The following PBX1 variants were observed in gnomAD, a reference collection of about 807,000 sequenced individuals.
The protein encoded by PBX1 is pre-B-cell leukemia transcription factor 1.
In PBX1, 6 loss-of-function variants were observed where a neutral mutation model predicts 53.4. The observed-to-expected ratio is 0.11, with a 90% CI of 0.06 to 0.22. PBX1 has a LOEUF of 0.22. PBX1 is among the 10% of genes least tolerant of loss of function. The probability of loss-of-function intolerance (pLI) is 1.00; values close to 1 mark genes in which losing one functional copy is unlikely to be tolerated. For synonymous variants in PBX1, 204 were observed against 212.3 expected (o/e 0.96, Z 0.34); for missense variants, 251 against 551.4 (o/e 0.46, Z 5.46).
Position 164,675,720 on chromosome 1 carries a change from A to G in PBX1, c.265+112409A>G, listed in dbSNP as rs12737113. Among the ~76,000 whole-genome samples the G allele has an allele frequency of 1.9e-3, 292 of 151,898 alleles. 1 individual carries two copies. Among genetic ancestry groups the G allele is most frequent in the Non-Finnish European group, 3.1e-3 (211 of 67,974 alleles). ...AATAAGCTCCAGGACTGAAACCCAG[A>G]CCCCGCCCCCAGACACTGAGGACTG... On this transcript the variant is annotated intron_variant, in intron 2 of 8. Coordinates refer to ENST00000420696, the MANE Select transcript of PBX1 (RefSeq NM_002585.4).
intron 8 of PBX1, among the ~76,000 whole-genome samples, chr1:164,824,554 CAGT>C (rs1670328292): frequency 6.6e-6 from 1 of 152,132 alleles, no homozygotes; most frequent in African/African-American, 2.4e-5. Flanking sequence ...GCAGTTTTCT[CAGT>C]AGGTAGTTCC....
intron 2 of PBX1, among the ~76,000 whole-genome samples, chr1:164,755,430 TG>T (rs1160506998): frequency 1.3e-5 from 2 of 152,230 alleles, no homozygotes; most frequent in Admixed American, 6.5e-5. Context: ...ATTACAGGCA[TG>T]AGCCACCGCG....
intron 2 of PBX1, among the ~76,000 whole-genome samples, chr1:164,860,938 G>A (rs1017525960): frequency 3.9e-5 from 6 of 152,050 alleles, no homozygotes; most frequent in Non-Finnish European, 8.8e-5. Context: ...GGAAAAGACA[G>A]GAAAATACAG....
intron 2 of PBX1, chr1:164,700,581 A>G (rs1663061148): frequency 1.0e-6 from 1 of 985,302 alleles, no homozygotes; most frequent in Admixed American, 6.1e-5. Context: ...GGGAGCAGAC[A>G]GTGATCATCT....
intron 2 of PBX1, among the ~76,000 whole-genome samples, chr1:164,778,819 C>G (rs924243089): frequency 6.6e-5 from 10 of 152,126 alleles, no homozygotes; most frequent in African/African-American, 2.4e-4. Flanking sequence ...ACTTGGGGTT[C>G]AACCCTATTC....
intron 2 of PBX1, among the ~76,000 whole-genome samples, chr1:164,706,344 A>G (rs1202769499): frequency 1.3e-5 from 2 of 152,216 alleles, no homozygotes; most frequent in Non-Finnish European, 2.9e-5. Context: ...CTTTCTGATA[A>G]GCTGTGCATG....
At chr1:164,609,321 T>G (rs1557888711) in intron 2 of PBX1, among the ~76,000 whole-genome samples, 1 of 152,130 alleles carries the variant, frequency 6.6e-6, no homozygotes, top group African/African-American at 2.4e-5. Context: ...ACACAGCTGT[T>G]CCCTGTAACC....
chr1:164,655,398 C>T (rs1660106139), intron 2 of PBX1, among the ~76,000 whole-genome samples: 1 of 152,130 alleles, frequency 6.6e-6, no homozygotes, highest in Non-Finnish European at 1.5e-5. Context: ...TAGGAGTGAG[C>T]CACTGTGCCC....
At chr1:164,719,223 ACT>A (rs1009588887) in intron 2 of PBX1, among the ~76,000 whole-genome samples, 7 of 152,104 alleles carry the variant, frequency 4.6e-5, no homozygotes, top group Non-Finnish European at 1.0e-4. Context: ...TTTTTCTATC[ACT>A]CTCCTTCAGG....
intron 2 of PBX1, among the ~76,000 whole-genome samples, chr1:164,750,121 G>A (rs1666117970): frequency 6.8e-6 from 1 of 146,804 alleles, no homozygotes; most frequent in Non-Finnish European, 1.5e-5. Flanking sequence ...AAAAAAAAAA[G>A]AGCTTTCAAA....
intron 2 of PBX1, among the ~76,000 whole-genome samples, chr1:164,676,674 C>T (rs1661449799): frequency 6.6e-6 from 1 of 152,122 alleles, no homozygotes; most frequent in Admixed American, 6.5e-5. Context: ...AGCCTGCAGC[C>T]CCCTAACTTG....
intron 2 of PBX1, among the ~76,000 whole-genome samples, chr1:164,637,144 G>A (rs1557907113): frequency 6.6e-6 from 1 of 152,100 alleles, no homozygotes; most frequent in Non-Finnish European, 1.5e-5. Context: ...TATCACTTTG[G>A]ATGATCTCAC....
rs1045339908 is a variant in PBX1 at position 164,574,958 on chromosome 1, GGC to G, written c.265+11648_265+11649del. 1.9e-4 allele frequency among the ~76,000 whole-genome samples: 29 copies of G among 152,046 alleles called. 1 individual carries two copies. The highest frequency in any genetic ancestry group is 5.8e-4 in the African/African-American group (24 of 41,460). On this transcript the variant is annotated intron_variant, in intron 2 of 8. Coordinates refer to ENST00000420696, the MANE Select transcript of PBX1 (RefSeq NM_002585.4). ...GATTGCGCCTTTACACTCCAGCCTG[GGC>G]AACAGAGTGAGACTAAAAAAAAAAA... is the stretch of plus-strand genomic sequence containing the variant.
intron 2 of PBX1, among the ~76,000 whole-genome samples, chr1:164,740,167 AG>A (rs754279529): frequency 1.3e-5 from 2 of 152,170 alleles, no homozygotes; most frequent in Non-Finnish European, 2.9e-5. Context: ...TGAAGATGAA[AG>A]GTTACGGCTA....
intron 3 of PBX1, among the ~76,000 whole-genome samples, chr1:164,796,371 T>G (rs1668787864): frequency 1.3e-5 from 2 of 150,114 alleles, no homozygotes; most frequent in Non-Finnish European, 3.0e-5. Flanking sequence ...AAACCTGAAT[T>G]TTATTCCAAG....
At chr1:164,580,389 G>A (rs1388779144) in intron 2 of PBX1, among the ~76,000 whole-genome samples, 2 of 151,976 alleles carry the variant, frequency 1.3e-5, no homozygotes, top group African/African-American at 2.4e-5. Flanking sequence ...AGCAATTCTT[G>A]TGCCTTAGCC....
Position 164,848,546 on chromosome 1 carries a change from G to A in PBX1, c.*1870G>A, listed in dbSNP as rs1671680451. On this transcript the variant is annotated 3_prime_UTR_variant, in exon 9 of 9. Coordinates refer to ENST00000420696, the MANE Select transcript of PBX1 (RefSeq NM_002585.4). ...AACTTCTGGTTAATATCAGTACCTT[G>A]ATGTCATCACCGTGATGACAAAGAG... 3 of 1,059,748 alleles carry A rather than the reference G, an allele frequency of 2.8e-6. No individual in the cohort carries two copies. In the South Asian group the frequency reaches 1.4e-4, roughly 48 times the overall value. 65.6% of individuals were successfully genotyped at this position (1,059,748 alleles called of 1,614,324 possible).
chr1:164,711,101 TG>T (rs1444204676), intron 2 of PBX1, among the ~76,000 whole-genome samples: 3 of 152,174 alleles, frequency 2.0e-5, no homozygotes, highest in Non-Finnish European at 4.4e-5. Flanking sequence ...ACTCTGTTTA[TG>T]GTAACATTTG....
chr1:164,834,029 ATGTGTGTGTGTGTGTGTGTGTG>A (rs35739146), intron 8 of PBX1, among the ~76,000 whole-genome samples: 3 of 128,284 alleles, frequency 2.3e-5, no homozygotes, highest in African/African-American at 8.8e-5. Flanking sequence ...ATATATGTAT[ATGTGTGTGTGTGTGTGTGTGTG>A]TGTGTGTGTG....
Sources: allele counts gnomAD v4.1 joint callset (sites outside exome capture counted in the v4.1 genomes callset), GRCh38; gene constraint gnomAD v4.1.1; transcripts MANE v1.5; gene names NCBI Gene and HGNC (gene_info 2026-07-23, HGNC 2026-07-21).